The following RABGAP1L variants were observed in gnomAD, a reference collection of about 807,000 sequenced individuals.
RABGAP1L encodes rab GTPase-activating protein 1-like.
Under a neutral mutation model 137.7 loss-of-function variants are expected in RABGAP1L, and 63 were observed. That is an observed-to-expected ratio of 0.46 (90% CI 0.37 to 0.56). The LOEUF is 0.56. RABGAP1L is among the 20% of genes least tolerant of loss of function. RABGAP1L has a pLI of 0.00. For synonymous variants in RABGAP1L, 431 were observed against 433.7 expected (o/e 0.99, Z 0.08); for missense variants, 1,095 against 1,244.0 (o/e 0.88, Z 1.80).
chr1:174,548,807 A>G (rs1666221280), intron 13 of RABGAP1L, among the ~76,000 whole-genome samples: 1 of 152,214 alleles, frequency 6.6e-6, no homozygotes, highest in South Asian at 2.1e-4. Flanking sequence ...TTTAAGTAAC[A>G]CTAAAAGTAT....
chr1:174,274,606 C>G (rs1357069423), intron 8 of RABGAP1L, among the ~76,000 whole-genome samples: 1 of 146,058 alleles, frequency 6.8e-6, no homozygotes, highest in Non-Finnish European at 1.5e-5. Flanking sequence ...ACAGGTGACT[C>G]TGTGTGTGTG....
At chr1:174,854,714 G>GTT (rs1648959939) in intron 19 of RABGAP1L, among the ~76,000 whole-genome samples, 1 of 58,572 alleles carries the variant, frequency 1.7e-5, no homozygotes, top group African/African-American at 6.2e-5. Context: ...CAATATAAAT[G>GTT]CTTTTTTTTT....
intron 11 of RABGAP1L, among the ~76,000 whole-genome samples, chr1:174,370,511 A>AAT (rs1363430423): frequency 2.9e-5 from 2 of 68,560 alleles, no homozygotes; most frequent in Non-Finnish European, 3.1e-5. Flanking sequence ...AAGAAACCTA[A>AAT]CTTTTTTTTT....
intron 11 of RABGAP1L, among the ~76,000 whole-genome samples, chr1:174,369,072 C>G (rs1684882261): frequency 6.6e-6 from 1 of 152,150 alleles, no homozygotes; most frequent in Non-Finnish European, 1.5e-5. Flanking sequence ...ATGGGATGAT[C>G]TTGGATCCTG....
chr1:174,841,708 AAAG>A (rs1227537396), intron 19 of RABGAP1L, among the ~76,000 whole-genome samples: 1 of 152,088 alleles, frequency 6.6e-6, no homozygotes, highest in Non-Finnish European at 1.5e-5. Flanking sequence ...TAAAAATAGA[AAAG>A]AAGAGAATCC....
At chr1:174,306,129 G>A (rs1215444201) in intron 11 of RABGAP1L, among the ~76,000 whole-genome samples, 1 of 152,164 alleles carries the variant, frequency 6.6e-6, no homozygotes, top group African/African-American at 2.4e-5. Context: ...ATTCCGTGGT[G>A]TATATGTGCC....
chr1:174,615,282 T>G (rs565509275), intron 13 of RABGAP1L, among the ~76,000 whole-genome samples: 3 of 152,194 alleles, frequency 2.0e-5, no homozygotes, highest in Non-Finnish European at 4.4e-5. Context: ...TTTGTTAGTT[T>G]TCCTTCTAAC....
chr1:174,780,103 TAAATAAATA>T (rs1558070539), intron 18 of RABGAP1L, among the ~76,000 whole-genome samples: 2,330 of 150,068 alleles, frequency 0.016, 46 homozygotes, highest in Middle Eastern at 0.056. Flanking sequence ...AATAAATAAA[TAAATAAATA>T]AATAAATTAA....
intron 19 of RABGAP1L, chr1:174,945,427 G>A (rs1666576660): frequency 6.6e-6 from 1 of 152,100 alleles, no homozygotes; most frequent in Non-Finnish European, 1.5e-5. Context: ...ATCCAACATG[G>A]TATACTAACT....
At position 174,989,999 on chromosome 1, in the gene RABGAP1L, T is replaced by C. The variant is rs1671953738; in HGVS notation, c.3154T>C (p.Ter1052GlnextTer79). Residue 1052 changes from the stop codon to glutamine, a stop_lost, in exon 26 of 26, where the codon TAG becomes CAG. Transcript: ENST00000681986. ...CACCCAGCCACCCAAGGAGAGCACA[T>C]AGTTCCAGCCTTACCCAAGCACAAG... Reference protein sequence around the residue: ...PVTQPPKEST* With the variant: ...PVTQPPKESTQ The C allele has an allele frequency of 6.5e-7, 1 of 1,540,286 alleles. No individual in the cohort carries two copies. The highest frequency in any genetic ancestry group is 8.8e-7 in the Non-Finnish European group (1 of 1,137,736).
rs1210705985 is a variant in RABGAP1L, at chr1:174,610,346, A to G, written c.1711-27029A>G. Among the ~76,000 whole-genome samples the G allele has an allele frequency of 6.6e-5, 10 of 151,164 alleles. No individual in the cohort carries two copies. The Middle Eastern group carries it at 0.021, about 311-fold the overall frequency. ...TTGTGATAGTTTACTGAGAATGATG[A>G]TTTCCAATTTCATCCATGTCCCTAC... On this transcript the variant is annotated intron_variant, in intron 13 of 25. Coordinates refer to ENST00000681986, the MANE Select transcript of RABGAP1L (RefSeq NM_001366446.1).
In RABGAP1L at chr1:174,717,238, T is replaced by C. The variant is rs1002460993; in HGVS notation, c.2169+14982T>C. Among the ~76,000 whole-genome samples the C allele has an allele frequency of 2.6e-5, 4 of 152,182 alleles. No homozygotes were observed. The East Asian group carries it at 7.7e-4, about 29-fold the overall frequency. ...CAGCCTGATCAACGTGGCGAGACCC[T>C]GTGTCTATCAAAAGTTAAAAAATTT... On this transcript the variant is annotated intron_variant, in intron 17 of 25. Transcript: ENST00000681986.
At chr1:174,328,661 T>G (rs1680759095) in intron 11 of RABGAP1L, among the ~76,000 whole-genome samples, 1 of 152,018 alleles carries the variant, frequency 6.6e-6, no homozygotes, top group East Asian at 1.9e-4. Context: ...TCCCAGCTAC[T>G]TGGGAGGCTG....
chr1:174,662,160 A>G (rs865982635), intron 14 of RABGAP1L, among the ~76,000 whole-genome samples: 2 of 135,946 alleles, frequency 1.5e-5, no homozygotes, highest in Non-Finnish European at 3.1e-5. Context: ...CTGTAGTGCA[A>G]TGTCGCAGTC....
chr1:174,820,995 C>T (rs985744142), intron 19 of RABGAP1L, among the ~76,000 whole-genome samples: 5 of 143,826 alleles, frequency 3.5e-5, no homozygotes, highest in Non-Finnish European at 6.0e-5. Flanking sequence ...CCAGCCTGGG[C>T]GACAGAGTGA....
At chr1:174,500,402 C>T (rs191158702) in intron 13 of RABGAP1L, among the ~76,000 whole-genome samples, 158 of 152,034 alleles carry the variant, frequency 1.0e-3, no homozygotes, top group Middle Eastern at 6.8e-3. Flanking sequence ...ATAAGTGGAA[C>T]GCTGTTCATT....
At chr1:174,444,948 G>C (rs547347634) in intron 13 of RABGAP1L, among the ~76,000 whole-genome samples, 15 of 151,596 alleles carry the variant, frequency 9.9e-5, no homozygotes, top group Admixed American at 8.5e-4. Context: ...ACCTATTTCG[G>C]TCCCATTTTC....
intron 19 of RABGAP1L, among the ~76,000 whole-genome samples, chr1:174,889,812 C>T (rs1275104165): frequency 1.3e-5 from 2 of 152,178 alleles, no homozygotes. Flanking sequence ...TCACTGCGGC[C>T]TCAAATGCTT....
intron 1 of RABGAP1L, among the ~76,000 whole-genome samples, chr1:174,188,080 G>A (rs533108862): frequency 1.3e-5 from 2 of 152,256 alleles, no homozygotes; most frequent in South Asian, 4.1e-4. Flanking sequence ...TGATATAGCA[G>A]GGTATACTTT....
Sources: gnomAD v4.1 joint callset for allele counts (sites outside exome capture counted in the v4.1 genomes callset) on GRCh38, gnomAD v4.1.1 for gene constraint, MANE v1.5 for transcripts, NCBI Gene and HGNC (gene_info 2026-07-23, HGNC 2026-07-21) for gene names.